The following UBE4A variants were observed in gnomAD, a reference collection of about 807,000 sequenced individuals.
UBE4A encodes the protein ubiquitin conjugation factor E4 A.
A neutral mutation model predicts 117.9 loss-of-function variants in UBE4A; 48 were observed. The ratio of observed to expected loss-of-function variants is 0.41; its 90% CI spans 0.32 to 0.52. UBE4A has a LOEUF of 0.52. Ranked by LOEUF, UBE4A falls within the 20% of genes least tolerant of loss-of-function variation. The probability of loss-of-function intolerance (pLI) is 0.33; values close to 1 mark genes in which losing one functional copy is unlikely to be tolerated. For missense variants in UBE4A, 1,067 were observed against 1,296.3 expected (o/e 0.82, Z 2.72); for synonymous variants, 407 against 450.0 (o/e 0.90, Z 1.21).
rs1384547196 is a variant in UBE4A, at chr11:118,371,572, C to A, written c.467C>A (p.Ser156Tyr). ...DPGNHLINMT[S>Y]STTLNLSADR... ...GGCAACCACTTAATTAACATGACTTCTTCTACAACGCTAAATCTCTCTGCT... is the reference window on the plus strand; with the variant it reads ...GGCAACCACTTAATTAACATGACTTATTCTACAACGCTAAATCTCTCTGCT... The change falls in exon 5 of 20, where the codon TCT (serine) becomes TAT (tyrosine). Residue 156 changes from serine to tyrosine, a missense_variant. Physicochemically the swap from Ser to Tyr is moderately radical, Grantham distance 144 (BLOSUM62 -2). Coordinates refer to ENST00000252108, the MANE Select transcript of UBE4A (RefSeq NM_001204077.2). 1.9e-6 allele frequency: 3 copies of A among 1,614,048 alleles called. No individual in the cohort carries two copies. The highest frequency in any genetic ancestry group is 2.5e-6 in the Non-Finnish European group (3 of 1,179,998).
intron 1 of UBE4A, 62 bp from the exon 2 acceptor site, chr11:118,364,978 C>A: frequency 1.5e-6 from 2 of 1,311,070 alleles, no homozygotes; most frequent in Non-Finnish European, 2.0e-6. Flanking sequence ...GAAACAACCA[C>A]AGGTATATTA....
At chr11:118,363,295 A>C (rs990692974) in intron 1 of UBE4A, among the ~76,000 whole-genome samples, 2 of 152,210 alleles carry the variant, frequency 1.3e-5, no homozygotes, top group African/African-American at 4.8e-5. Flanking sequence ...TAATTCCAGC[A>C]CTTTGGGAGG....
rs151219737 is a variant in UBE4A, at chr11:118,392,819, C to T, written c.2998C>T (p.Leu1000=). The change falls in exon 19 of 20, where the codon CTG becomes TTG. Residue 1000 remains leucine (L), a synonymous_variant. Transcript: ENST00000252108. ...DEFLDPIMST[L]MCDPVVLPSS... ...GTTCCTGGATCCCATTATGAGCACACTGATGTGTGACCCTGTGGTGCTGCC... is the reference window on the plus strand; with the variant it reads ...GTTCCTGGATCCCATTATGAGCACATTGATGTGTGACCCTGTGGTGCTGCC... The T allele has an allele frequency of 2.1e-5, 34 of 1,614,028 alleles. No homozygotes were observed. Among genetic ancestry groups the T allele is most frequent in the Non-Finnish European group, 2.7e-5 (32 of 1,180,018 alleles).
chr11:118,399,077 GAAAAGGTTGATTGAAATA>G lies in UBE4A; in HGVS notation c.*2641_*2658del. ...GGAAATGAACCTAGAAACAGAAAAT[GAAAAGGTTGATTGAAATA>G]AAACTTGATCAACGCGACTGTATTT... On this transcript the variant is annotated 3_prime_UTR_variant, in exon 20 of 20. Coordinates refer to ENST00000252108, the MANE Select transcript of UBE4A (RefSeq NM_001204077.2). The G allele has an allele frequency of 4.4e-6, 2 of 456,464 alleles. No homozygotes were observed. The highest frequency in any genetic ancestry group is 8.8e-6 in the Non-Finnish European group (2 of 226,866). The allele number at this position is 456,464 out of a possible 1,614,324, so 28.3% of individuals were successfully genotyped here.
chr11:118,391,623 T>C (rs545030756), intron 18 of UBE4A, among the ~76,000 whole-genome samples: 2 of 150,774 alleles, frequency 1.3e-5, no homozygotes, highest in East Asian at 3.9e-4. Context: ...TGAAACCCCA[T>C]CTCTACTAAA....
chr11:118,385,432 A>C (rs1356651349), intron 15 of UBE4A, among the ~76,000 whole-genome samples: 1 of 152,208 alleles, frequency 6.6e-6, no homozygotes. Context: ...TTTTTCATAT[A>C]AAGGCTCCAA....
chr11:118,379,366 C>G, intron 10 of UBE4A, 80 bp from the exon 11 acceptor site: 1 of 1,432,688 alleles, frequency 7.0e-7, no homozygotes, highest in South Asian at 1.3e-5. Flanking sequence ...AAAGAGAAGG[C>G]TAGATAAATA....
chr11:118,384,684 T>G lies in UBE4A; in HGVS notation c.2247T>G (p.Tyr749Ter), dbSNP rs1356749063. ...AGTTTAATTACCGCCGTCCCATGTA[T>G]CCTATCCTAAGATACATGTGGGGGA... ...EQKFNYRRPM[Y>*]PILRYMWGTD... The change falls in exon 14 of 20, where the codon TAT becomes TAG. Residue 749 changes from tyrosine (Y) to a stop codon, truncating the protein, a stop_gained. Transcript: ENST00000252108. LOFTEE classifies it high-confidence loss of function. 6 of 1,613,974 alleles carry G rather than the reference T, an allele frequency of 3.7e-6. No individual in the cohort carries two copies. The highest frequency in any genetic ancestry group is 5.1e-6 in the Non-Finnish European group (6 of 1,179,996).
intron 1 of UBE4A, among the ~76,000 whole-genome samples, chr11:118,360,898 C>G (rs1298073390): frequency 6.6e-6 from 1 of 151,878 alleles, no homozygotes; most frequent in East Asian, 1.9e-4. Flanking sequence ...GCTGTACCAT[C>G]CCAAAGTGTC....
At chr11:118,360,308 T>G (rs1165229526) in intron 1 of UBE4A, among the ~76,000 whole-genome samples, 1 of 152,200 alleles carries the variant, frequency 6.6e-6, no homozygotes, top group Non-Finnish European at 1.5e-5. Context: ...AGCATGTGTT[T>G]AGTCTCGCTG....
At chr11:118,385,674 A>G (rs1345270919) in intron 15 of UBE4A, among the ~76,000 whole-genome samples, 1 of 152,204 alleles carries the variant, frequency 6.6e-6, no homozygotes, top group Non-Finnish European at 1.5e-5. Flanking sequence ...ACTGACCTAA[A>G]GGGAGATGAA....
At chr11:118,365,530 A>G (rs1433817633) in intron 2 of UBE4A, among the ~76,000 whole-genome samples, 1 of 152,224 alleles carries the variant, frequency 6.6e-6, no homozygotes, top group African/African-American at 2.4e-5. Flanking sequence ...AGTAAAAGCT[A>G]TTTAAATAAA....
chr11:118,381,492 T>C lies in UBE4A; in HGVS notation c.1978T>C (p.Phe660Leu). The C allele has an allele frequency of 6.2e-7, 1 of 1,614,126 alleles. No homozygotes were observed. The highest frequency in any genetic ancestry group is 8.5e-7 in the Non-Finnish European group (1 of 1,179,980). ...AGATTCCCTGGAGCATGTCCTTCAC[T>C]TTATCACCATTTTCACTGGAAGCAT... The part of the protein sequence containing the change: ...SADSLEHVLH[F>L]ITIFTGSIER... Residue 660 changes from phenylalanine (F) to leucine (L), a missense_variant, in exon 12 of 20, where the codon TTT (phenylalanine) becomes CTT (leucine). Physicochemically the swap from Phe to Leu is conservative, Grantham distance 22. This residue lies in a region of UBE4A where 1,001 missense variants were observed against 1,184.0 expected (regional missense o/e 0.85). Coordinates refer to ENST00000252108, the MANE Select transcript of UBE4A (RefSeq NM_001204077.2).
chr11:118,382,469 G>A (rs1948713709), intron 12 of UBE4A, 120 bp from the exon 13 acceptor site: 1 of 767,418 alleles, frequency 1.3e-6, no homozygotes, highest in Admixed American at 3.9e-5. Flanking sequence ...CTGCAGAAGT[G>A]GATCCTTTTT....
intron 1 of UBE4A, among the ~76,000 whole-genome samples, chr11:118,362,354 G>A (rs1320088456): frequency 6.6e-6 from 1 of 152,108 alleles, no homozygotes; most frequent in African/African-American, 2.4e-5. Flanking sequence ...TTGAACTCCT[G>A]ACCTCATGAT....
At chr11:118,368,828 A>G in intron 3 of UBE4A, 24 bp downstream of exon 3, 1 of 1,611,514 alleles carries the variant, frequency 6.2e-7, no homozygotes, top group Non-Finnish European at 8.5e-7. Flanking sequence ...TTATAGCATT[A>G]TTCTACCCTT....
At chr11:118,370,140 ACTCC>A (rs1948597749) in intron 4 of UBE4A, among the ~76,000 whole-genome samples, 1 of 151,088 alleles carries the variant, frequency 6.6e-6, no homozygotes, top group Non-Finnish European at 1.5e-5. Context: ...AAAAGTTGTT[ACTCC>A]CTCCTCTGGG....
intron 3 of UBE4A, 53 bp from the exon 4 acceptor site, chr11:118,369,370 T>G: frequency 7.6e-7 from 1 of 1,323,118 alleles, no homozygotes; most frequent in Non-Finnish European, 1.1e-6. Context: ...ATCAGTTGTC[T>G]GTATAAAACA....
chr11:118,361,008 AT>A (rs71301652), intron 1 of UBE4A, among the ~76,000 whole-genome samples: 129 of 104,892 alleles, frequency 1.2e-3, no homozygotes, highest in Admixed American at 2.4e-3. Context: ...GTGTGTGTGT[AT>A]TTTTTTTTTT....
Sources: allele counts gnomAD v4.1 joint callset (sites outside exome capture counted in the v4.1 genomes callset), GRCh38; gene constraint gnomAD v4.1.1; regional missense constraint gnomAD v4.1.1; transcripts MANE v1.5; gene names NCBI Gene and HGNC (gene_info 2026-07-23, HGNC 2026-07-21).